PRR7: variants seen among roughly 807,000 people sequenced by gnomAD.
PRR7 encodes the protein proline-rich protein 7.
A neutral mutation model predicts 18.5 loss-of-function variants in PRR7; 8 were observed. The ratio of observed to expected loss-of-function variants is 0.43; its 90% CI spans 0.25 to 0.78. The LOEUF (loss-of-function observed/expected upper bound fraction) is 0.78. Ranked by LOEUF, PRR7 falls within the 30% of genes least tolerant of loss-of-function variation. The pLI is 0.22. For missense variants in PRR7, 396 were observed against 403.1 expected (o/e 0.98, Z 0.15); for synonymous variants, 221 against 187.7 (o/e 1.18, Z -1.45).
At position 177,455,391 on chromosome 5, in the gene PRR7, G is replaced by C. The variant is rs1470119924; in HGVS notation, c.324G>C (p.Gln108His). 1 of 1,493,450 alleles carries C rather than the reference G, an allele frequency of 6.7e-7. No individual in the cohort carries two copies. Among genetic ancestry groups the C allele is most frequent in the Non-Finnish European group, 8.9e-7 (1 of 1,127,522 alleles). 92.5% of individuals were successfully genotyped at this position (1,493,450 alleles called of 1,614,324 possible). A position where few individuals can be genotyped will look rare whatever the true frequency, so the allele number is the denominator to read the frequency against. Reference protein sequence around the residue: ...VHPLLHHGPAQPHAHAHPHPH... With the variant: ...VHPLLHHGPAHPHAHAHPHPH... ...CGCTGCTGCACCACGGGCCCGCGCA[G>C]CCGCACGCGCACGCGCACCCACACC... The change falls in exon 3 of 4, where the codon CAG (glutamine) becomes CAC (histidine). Residue 108 changes from glutamine (Q) to histidine (H), a missense_variant. By Grantham distance (24) the Gln-to-His change is conservative. Coordinates refer to ENST00000323249, the MANE Select transcript of PRR7 (RefSeq NM_030567.5). The surrounding 1 kb of genome is among the most constrained non-coding windows in gnomAD (Gnocchi z 6.9).
At position 177,455,410 on chromosome 5, in the gene PRR7, C is replaced by G; in HGVS notation, c.343C>G (p.Pro115Ala). The change falls in exon 3 of 4, where the codon CCA becomes GCA. Residue 115 changes from proline to alanine, a missense_variant. Physicochemically the swap from Pro to Ala is conservative, Grantham distance 27. This residue lies in a region of PRR7 where 383 missense variants were observed against 372.6 expected (regional missense o/e 1.03). Transcript: ENST00000323249. This position sits in a 1 kb window ranked among gnomAD's most constrained non-coding sequence, Gnocchi z 6.9. ...CGCGCAGCCGCACGCGCACGCGCAC[C>G]CACACCCGCACCACCACGCGCTCCC... ...GPAQPHAHAH[P>A]HPHHHALPHP... 6.7e-7 allele frequency: 1 copy of G among 1,502,288 alleles called. No individual in the cohort carries two copies. Among genetic ancestry groups the G allele is most frequent in the Admixed American group, 2.1e-5 (1 of 47,232 alleles). 93.1% of individuals were successfully genotyped at this position (1,502,288 alleles called of 1,614,324 possible).
At position 177,455,688 on chromosome 5, in the gene PRR7, C is replaced by T. The variant is rs1211900520; in HGVS notation, c.428-36C>T. ...GCCTCTGCGAGAGGCTGGGAACCGG[C>T]GGCCTCACCTCCTCCGACCGCCTCC... is the stretch of plus-strand genomic sequence containing the variant. On this transcript the variant is annotated intron_variant, in intron 3 of 3. Coordinates refer to ENST00000323249, the MANE Select transcript of PRR7 (RefSeq NM_030567.5). The surrounding 1 kb of genome is among the most constrained non-coding windows in gnomAD (Gnocchi z 6.9). 8 of 1,514,246 alleles carry T rather than the reference C, an allele frequency of 5.3e-6. No homozygotes were observed. In the South Asian group the frequency reaches 8.9e-5, roughly 17 times the overall value. The allele number at this position is 1,514,246 out of a possible 1,614,324, so 93.8% of individuals were successfully genotyped here. A position where few individuals can be genotyped will look rare whatever the true frequency, so the allele number is the denominator to read the frequency against.
At chr5:177,451,650 C>T (rs834568) in intron 1 of PRR7, among the ~76,000 whole-genome samples, 2,014 of 51,456 alleles carry the variant, frequency 0.039, 101 homozygotes, top group African/African-American at 0.11. Context: ...TAGCCTGCTT[C>T]GGAGAGTGAG....
At chr5:177,448,361 C>G (rs1051568722) in intron 1 of PRR7, 3 of 152,224 alleles carry the variant, frequency 2.0e-5, no homozygotes, top group African/African-American at 7.2e-5. Context: ...GTGTTGAGTG[C>G]TCTGCATCCA....
intron 1 of PRR7, among the ~76,000 whole-genome samples, chr5:177,452,168 G>A (rs949439713): frequency 6.6e-5 from 10 of 152,300 alleles, no homozygotes; most frequent in African/African-American, 2.4e-4. Context: ...GAAACAGAAC[G>A]TGAGTAATCA....
At chr5:177,447,256 C>CCCCT (rs1201369378) in intron 1 of PRR7, among the ~76,000 whole-genome samples, 2 of 152,158 alleles carry the variant, frequency 1.3e-5, no homozygotes, top group East Asian at 1.9e-4. Context: ...ACGCCCCCTC[C>CCCCT]CCCTCCCTCC....
In PRR7 at chr5:177,455,384, CCGCGCAGCCGCA is replaced by C. The variant is rs761066468; in HGVS notation, c.324_335del (p.Gln108_Ala111del). 25 of 1,492,280 alleles carry C rather than the reference CCGCGCAGCCGCA, an allele frequency of 1.7e-5. 1 individual carries two copies. In the South Asian group the frequency reaches 2.9e-4, roughly 17 times the overall value. The allele number at this position is 1,492,280 out of a possible 1,614,324, so 92.4% of individuals were successfully genotyped here. ...GTGCACCCGCTGCTGCACCACGGGC[CCGCGCAGCCGCA>C]CGCGCACGCGCACCCACACCCGCAC... On this transcript the variant is annotated inframe_deletion, in exon 3 of 4. Transcript: ENST00000323249. The surrounding 1 kb of genome is among the most constrained non-coding windows in gnomAD (Gnocchi z 6.9).
chr5:177,455,716 C>T lies in PRR7; in HGVS notation c.428-8C>T. ...CCTCACCTCCTCCGACCGCCTCCCA[C>T]TCCGCAGCGGAATCGGACATGTCCA... On this transcript the variant is annotated splice_polypyrimidine_tract_variant and splice_region_variant and intron_variant, in intron 3 of 3. Coordinates refer to ENST00000323249, the MANE Select transcript of PRR7 (RefSeq NM_030567.5). The surrounding 1 kb of genome is among the most constrained non-coding windows in gnomAD (Gnocchi z 6.9). 2.5e-6 allele frequency: 4 copies of T among 1,572,272 alleles called. No homozygotes were observed. The highest frequency in any genetic ancestry group is 3.5e-6 in the Non-Finnish European group (4 of 1,156,266).
chr5:177,454,243 TCAGA>T lies in PRR7; in HGVS notation c.-240+206_-240+209del, dbSNP rs1327044925. ...CCACGCCCGGCGCGGCGCGCTAGGCTCAGACAAAGGCAGGGCCGGTGGCACGCAT... is the reference window on the plus strand; with the variant it reads ...CCACGCCCGGCGCGGCGCGCTAGGCTCAAAGGCAGGGCCGGTGGCACGCAT... On this transcript the variant is annotated intron_variant, in intron 2 of 3. Coordinates refer to ENST00000323249, the MANE Select transcript of PRR7 (RefSeq NM_030567.5). The surrounding 1 kb of genome is among the most constrained non-coding windows in gnomAD (Gnocchi z 4.7). Among the ~76,000 whole-genome samples, 2 of 151,832 alleles carry T rather than the reference TCAGA, an allele frequency of 1.3e-5. No homozygotes were observed. Among genetic ancestry groups the T allele is most frequent in the African/African-American group, 4.8e-5 (2 of 41,318 alleles).
In PRR7 at chr5:177,455,854, T is replaced by G; in HGVS notation, c.558T>G (p.Ser186Arg). ...GCAAGATCGTCACGCCCTTCCTGAG[T>G]CGCCGCGACAGCGCGGAGAAGCAGG... The part of the protein sequence containing the change: ...LYRKIVTPFL[S>R]RRDSAEKQEQ... Residue 186 changes from serine to arginine, a missense_variant, in exon 4 of 4, where the codon AGT becomes AGG. Ser to Arg is a moderately radical substitution (Grantham distance 110). This residue lies in a region of PRR7 where 383 missense variants were observed against 372.6 expected (regional missense o/e 1.03). Transcript: ENST00000323249. This position sits in a 1 kb window ranked among gnomAD's most constrained non-coding sequence, Gnocchi z 6.9. 1 of 1,611,762 alleles carries G rather than the reference T, an allele frequency of 6.2e-7. No homozygotes were observed. Among genetic ancestry groups the G allele is most frequent in the South Asian group, 1.1e-5 (1 of 91,046 alleles).
chr5:177,450,954 G>A lies in PRR7; in HGVS notation c.-324-3002G>A, dbSNP rs1302734254. Among the ~76,000 whole-genome samples the A allele has an allele frequency of 1.3e-5, 2 of 152,174 alleles. No homozygotes were observed. Among genetic ancestry groups the A allele is most frequent in the African/African-American group, 4.8e-5 (2 of 41,432 alleles). On this transcript the variant is annotated intron_variant, in intron 1 of 3. Transcript: ENST00000323249. This position sits in a 1 kb window ranked among gnomAD's most constrained non-coding sequence, Gnocchi z 6.6. ...TGTTAAATGCTAGATTGGCTCCTGAGGCAGCGTAGTGTTGTGAGGAGTGAC... is the reference window on the plus strand; with the variant it reads ...TGTTAAATGCTAGATTGGCTCCTGAAGCAGCGTAGTGTTGTGAGGAGTGAC...
intron 1 of PRR7, among the ~76,000 whole-genome samples, chr5:177,451,258 T>C (rs1756158034): frequency 6.6e-6 from 1 of 152,204 alleles, no homozygotes; most frequent in Non-Finnish European, 1.5e-5. Flanking sequence ...TGTGTGCCCT[T>C]GGGTGTCATT....
intron 1 of PRR7, chr5:177,448,454 C>T (rs1222999217): frequency 6.6e-6 from 1 of 152,192 alleles, no homozygotes; most frequent in African/African-American, 2.4e-5. Context: ...TAAAGGGAGG[C>T]TCAGGGAGGT....
rs769979205 is a variant in PRR7 at position 177,455,758 on chromosome 5, A to C, written c.462A>C (p.Glu154Asp). The C allele has an allele frequency of 3.1e-6, 5 of 1,608,148 alleles. No individual in the cohort carries two copies. The highest frequency in any genetic ancestry group is 4.2e-6 in the Non-Finnish European group (5 of 1,177,600). Residue 154 changes from glutamate to aspartate, a missense_variant, in exon 4 of 4, where the codon GAA becomes GAC. Transcript: ENST00000323249. The surrounding 1 kb of genome is among the most constrained non-coding windows in gnomAD (Gnocchi z 6.9). ...ACATGTCCAAACCACCGTGTTACGAAGAGGCGGTGCTGATGGCAGAGCCGC... is the reference window on the plus strand; with the variant it reads ...ACATGTCCAAACCACCGTGTTACGACGAGGCGGTGCTGATGGCAGAGCCGC... ...ESDMSKPPCY[E>D]EAVLMAEPPP...
chr5:177,448,765 C>T (rs566998888), intron 1 of PRR7, among the ~76,000 whole-genome samples: 15 of 152,342 alleles, frequency 9.8e-5, no homozygotes, highest in East Asian at 3.9e-4. Flanking sequence ...CCATTTTCTC[C>T]GGTGAGACCA....
At chr5:177,453,121 C>T (rs335453) in intron 1 of PRR7, among the ~76,000 whole-genome samples, 9,523 of 152,276 alleles carry the variant, frequency 0.063, 680 homozygotes, top group African/African-American at 0.17. Context: ...ATCAAATGGG[C>T]ACAACCACCA....
chr5:177,447,076 G>C (rs986686577), intron 1 of PRR7, 116 bp downstream of exon 1: 4 of 152,050 alleles, frequency 2.6e-5, no homozygotes, highest in African/African-American at 4.8e-5. Context: ...TCGCCGCCCC[G>C]GTCCCCCGCC....
intron 1 of PRR7, among the ~76,000 whole-genome samples, chr5:177,452,151 G>A (rs2127387739): frequency 6.6e-6 from 1 of 152,358 alleles, no homozygotes; most frequent in East Asian, 1.9e-4. Context: ...TAAGAAAAGA[G>A]AAACAGGAAA....
In PRR7 at chr5:177,456,198, T is replaced by G; in HGVS notation, c.*77T>G. 2 of 495,196 alleles carry G rather than the reference T, an allele frequency of 4.0e-6. No homozygotes were observed. The highest frequency in any genetic ancestry group is 6.2e-6 in the Non-Finnish European group (2 of 323,418). The allele number at this position is 495,196 out of a possible 1,614,324, so 30.7% of individuals were successfully genotyped here. ...GGGCTTTTTAAATGCTTCCCTGGAC[T>G]GCGGGGAGGGGCGGGGGGAGGGAGG... On this transcript the variant is annotated 3_prime_UTR_variant, in exon 4 of 4. Transcript: ENST00000323249.
Sources: allele counts gnomAD v4.1 joint callset (sites outside exome capture counted in the v4.1 genomes callset), GRCh38; gene constraint gnomAD v4.1.1; regional missense constraint gnomAD v4.1.1; non-coding constraint Gnocchi (gnomAD v3.1); transcripts MANE v1.5; gene names NCBI Gene and HGNC (gene_info 2026-07-23, HGNC 2026-07-21).